The following CADM2 variants were observed in gnomAD, a reference collection of about 807,000 sequenced individuals.
CADM2 encodes immunoglobulin superfamily member 4D.
A neutral mutation model predicts 49.8 loss-of-function variants in CADM2; 12 were observed. The ratio of observed to expected loss-of-function variants is 0.24; its 90% CI spans 0.15 to 0.39. The LOEUF (loss-of-function observed/expected upper bound fraction) is 0.39. Among genes scored for constraint, CADM2 ranks in the 10% least tolerant of loss-of-function variants. The probability of loss-of-function intolerance (pLI) is 1.00; values close to 1 mark genes in which losing one functional copy is unlikely to be tolerated. For missense variants in CADM2, 378 were observed against 492.3 expected, an observed-to-expected ratio of 0.77 and a Z score of 2.20; for synonymous variants, 214 against 175.4, an observed-to-expected ratio of 1.22 and a Z score of -1.74.
chr3:86,058,218 A>T (rs541525220), intron 8 of CADM2, among the ~76,000 whole-genome samples: 1 of 152,206 alleles, frequency 6.6e-6, no homozygotes, highest in Non-Finnish European at 1.5e-5. Context: ...ATAGACACTT[A>T]GAATGGTTCA....
At chr3:85,098,312 G>T (rs1023462061) in intron 1 of CADM2, among the ~76,000 whole-genome samples, 2 of 150,184 alleles carry the variant, frequency 1.3e-5, no homozygotes, top group African/African-American at 4.9e-5. Context: ...TAAACCAAAG[G>T]TACACAGTTT....
intron 8 of CADM2, chr3:85,992,119 C>T (rs374405402): frequency 6.6e-6 from 1 of 151,782 alleles, no homozygotes. Context: ...TTTTAAAATA[C>T]TAAACAAAAT....
At chr3:85,207,373 A>G (rs993829104) in intron 1 of CADM2, among the ~76,000 whole-genome samples, 2 of 152,082 alleles carry the variant, frequency 1.3e-5, no homozygotes, top group Admixed American at 1.3e-4. Context: ...TCTGCTTTAT[A>G]TCTTGGGTAA....
intron 1 of CADM2, among the ~76,000 whole-genome samples, chr3:85,124,607 AAAAC>A (rs1479470718): frequency 6.6e-6 from 1 of 152,192 alleles, no homozygotes; most frequent in Non-Finnish European, 1.5e-5. Flanking sequence ...TGTGTCTCAA[AAAAC>A]AAACTAACTA....
chr3:85,876,151 G>A (rs1218513288), intron 3 of CADM2, among the ~76,000 whole-genome samples: 1 of 152,158 alleles, frequency 6.6e-6, no homozygotes, highest in South Asian at 2.1e-4. Flanking sequence ...TGCAGTGTTT[G>A]TCTTGGCTAA....
chr3:85,781,152 G>A (rs73845663), intron 2 of CADM2, among the ~76,000 whole-genome samples: 3,997 of 152,132 alleles, frequency 0.026, 203 homozygotes, highest in African/African-American at 0.091. Context: ...CTTTTGTGTC[G>A]GTACTTGCAA....
rs957718336 is a variant in CADM2, at chr3:85,930,375, G to A, written c.701-5392G>A. 4.6e-5 allele frequency among the ~76,000 whole-genome samples: 7 copies of A among 151,978 alleles called. No individual in the cohort carries two copies. In the East Asian group the frequency reaches 9.7e-4, roughly 21 times the overall value. ...GGGTACATGAGATGTTTTGATACAG[G>A]CATGCAAAACGAAATAAGCACATCA... On this transcript the variant is annotated intron_variant, in intron 6 of 9. Transcript: ENST00000383699.
intron 1 of CADM2, among the ~76,000 whole-genome samples, chr3:85,265,524 A>T (rs1216314637): frequency 6.6e-6 from 1 of 151,946 alleles, no homozygotes; most frequent in Non-Finnish European, 1.5e-5. Context: ...TCATTTTTAT[A>T]ACAAATCCAT....
intron 1 of CADM2, among the ~76,000 whole-genome samples, chr3:85,452,535 A>G (rs2037795741): frequency 6.6e-6 from 1 of 152,090 alleles, no homozygotes; most frequent in Non-Finnish European, 1.5e-5. Flanking sequence ...AATAACTTTA[A>G]CACACGCTGT....
At chr3:85,971,728 T>C (rs568503433) in intron 8 of CADM2, among the ~76,000 whole-genome samples, 1 of 151,630 alleles carries the variant, frequency 6.6e-6, no homozygotes, top group African/African-American at 2.4e-5. Flanking sequence ...ATTTTTTTCA[T>C]ACTTGAAATT....
At chr3:85,250,991 C>G (rs1292536353) in intron 1 of CADM2, among the ~76,000 whole-genome samples, 1 of 151,606 alleles carries the variant, frequency 6.6e-6, no homozygotes, top group Non-Finnish European at 1.5e-5. Context: ...TGTAATGGTA[C>G]AAATGAAAAC....
chr3:85,354,182 T>C (rs2031618108), intron 1 of CADM2, among the ~76,000 whole-genome samples: 1 of 151,894 alleles, frequency 6.6e-6, no homozygotes, highest in Non-Finnish European at 1.5e-5. Context: ...TGAATTACAT[T>C]ATCGTGTCTA....
intron 1 of CADM2, among the ~76,000 whole-genome samples, chr3:85,603,397 A>AT (rs138116450): frequency 0.21 from 32,098 of 151,578 alleles, 4,263 homozygotes; most frequent in Non-Finnish European, 0.28. Flanking sequence ...ACTCCTTTTA[A>AT]TTTTTGTTTT....
At chr3:85,184,131 G>A (rs1450117877) in intron 1 of CADM2, among the ~76,000 whole-genome samples, 1 of 152,044 alleles carries the variant, frequency 6.6e-6, no homozygotes. Context: ...TAAGATGTAT[G>A]TGTGAGAGGC....
intron 1 of CADM2, chr3:84,960,313 A>AG (rs2030356495): frequency 6.6e-6 from 1 of 152,198 alleles, no homozygotes; most frequent in Admixed American, 6.5e-5. Context: ...TTAAAAAAAA[A>AG]GAAAAGAAAA....
At chr3:85,878,021 T>A (rs1206574907) in intron 3 of CADM2, among the ~76,000 whole-genome samples, 2 of 152,072 alleles carry the variant, frequency 1.3e-5, no homozygotes, top group East Asian at 3.9e-4. Context: ...ACATCATAAG[T>A]GTTTGTGAAC....
At chr3:85,491,462 G>T (rs2039668927) in intron 1 of CADM2, among the ~76,000 whole-genome samples, 1 of 152,002 alleles carries the variant, frequency 6.6e-6, no homozygotes, top group South Asian at 2.1e-4. Flanking sequence ...TGAAATCATA[G>T]CTATATAAAC....
chr3:85,965,376 C>T (rs1044808291), intron 8 of CADM2, among the ~76,000 whole-genome samples: 1 of 150,362 alleles, frequency 6.7e-6, no homozygotes, highest in Non-Finnish European at 1.5e-5. Flanking sequence ...TGGAATTACT[C>T]AGCAAAGTGC....
chr3:85,964,628 A>C (rs1452549942), intron 8 of CADM2, among the ~76,000 whole-genome samples: 1 of 151,744 alleles, frequency 6.6e-6, no homozygotes, highest in Non-Finnish European at 1.5e-5. Context: ...GTAGTAATTT[A>C]ACTGCCAGTC....
Sources: allele counts gnomAD v4.1 joint callset (sites outside exome capture counted in the v4.1 genomes callset), GRCh38; gene constraint gnomAD v4.1.1; transcripts MANE v1.5; gene names NCBI Gene and HGNC (gene_info 2026-07-23, HGNC 2026-07-21).